The following CELF2 variants were observed in gnomAD, a reference collection of about 807,000 sequenced individuals.
CELF2 encodes the protein CUGBP Elav-like family member 2.
Under a neutral mutation model 62.6 loss-of-function variants are expected in CELF2, and 8 were observed. The observed-to-expected ratio is 0.13, with a 90% confidence interval of 0.07 to 0.23. The LOEUF (loss-of-function observed/expected upper bound fraction) is 0.23, where lower values mean the gene tolerates loss of function less well. Ranked by LOEUF, CELF2 falls within the 10% of genes least tolerant of loss-of-function variation. The pLI is 1.00. For missense variants in CELF2, 333 were observed against 671.0 expected, an observed-to-expected ratio of 0.50 and a Z score of 5.56; for synonymous variants, 258 against 250.0, an observed-to-expected ratio of 1.03 and a Z score of -0.30.
chr10:10,688,878 C>T, the CELF2 span, among the ~76,000 whole-genome samples: 1 of 151,876 alleles, frequency 6.6e-6, no homozygotes, highest in East Asian at 1.9e-4. Flanking sequence ...GTGGTGGATG[C>T]CTGTAGTCCC....
chr10:11,013,366 G>A (rs1564372328), upstream of CELF2, among the ~76,000 whole-genome samples: 1 of 152,222 alleles, frequency 6.6e-6, no homozygotes, highest in Non-Finnish European at 1.5e-5. This position sits in a 1 kb window ranked among gnomAD's most constrained non-coding sequence, Gnocchi z 4.1. Flanking sequence ...TGATGAGATG[G>A]TTGGGCTCTG....
At chr10:11,095,606 T>C (rs1164612039) in intron 1 of CELF2, among the ~76,000 whole-genome samples, 10 of 152,204 alleles carry the variant, frequency 6.6e-5, no homozygotes, top group Non-Finnish European at 1.5e-4. Context: ...AACAATGAGT[T>C]GTCACTGGGA....
Position 11,008,996 on chromosome 10 carries a change from G to A in CELF2, c.53+3556G>A, listed in dbSNP as rs941720176. On this transcript the variant is annotated intron_variant, in intron 1 of 12. Coordinates refer to the CELF2 transcript ENST00000416382. The surrounding 1 kb of genome is among the most constrained non-coding windows in gnomAD (Gnocchi z 4.5). ...TCTTTGCATATTTTGATAATTCCTG[G>A]GGAATTTGCGGGGGGGGGGGGGGAG... Among the ~76,000 whole-genome samples, 2 of 50,256 alleles carry A rather than the reference G, an allele frequency of 4.0e-5. No individual in the cohort carries two copies. The highest frequency in any genetic ancestry group is 2.2e-4 in the African/African-American group (2 of 9,108). 33.0% of individuals were successfully genotyped at this position (50,256 alleles called of 152,430 possible). A position where few individuals can be genotyped will look rare whatever the true frequency, so the allele number is the denominator to read the frequency against.
chr10:10,883,934 C>T (rs1175403446), intron 1 of CELF2, among the ~76,000 whole-genome samples: 2 of 151,532 alleles, frequency 1.3e-5, no homozygotes, highest in East Asian at 1.9e-4. Flanking sequence ...CCTTCTCCTC[C>T]TCCTCATCCT....
upstream of CELF2, among the ~76,000 whole-genome samples, chr10:11,013,973 G>C (rs779059872): frequency 6.6e-6 from 1 of 152,196 alleles, no homozygotes; most frequent in East Asian, 1.9e-4. The surrounding 1 kb of genome is among the most constrained non-coding windows in gnomAD (Gnocchi z 4.1). Context: ...CACAAAGTCA[G>C]ATATTCTCTC....
the CELF2 span, among the ~76,000 whole-genome samples, chr10:10,617,712 G>T: frequency 7.2e-5 from 11 of 152,124 alleles, no homozygotes; most frequent in South Asian, 2.1e-4. Flanking sequence ...TTTGTAAAGG[G>T]GGGGGAAATA....
chr10:10,527,075 G>C, the CELF2 span, among the ~76,000 whole-genome samples: 23 of 152,236 alleles, frequency 1.5e-4, no homozygotes, highest in Non-Finnish European at 3.2e-4. Context: ...ATATTCGGTT[G>C]ATCTTCTTTC....
chr10:10,921,202 G>A (rs187815747), intron 2 of CELF2, among the ~76,000 whole-genome samples: 15 of 152,142 alleles, frequency 9.9e-5, no homozygotes, highest in Admixed American at 2.6e-4. Context: ...TGATCCACCC[G>A]TCTCGGCCTC....
At chr10:10,538,695 G>T in the CELF2 span, among the ~76,000 whole-genome samples, 1 of 152,144 alleles carries the variant, frequency 6.6e-6, no homozygotes, top group African/African-American at 2.4e-5. Context: ...ATTGAGACTG[G>T]AATAACGTTG....
the CELF2 span, among the ~76,000 whole-genome samples, chr10:10,643,157 A>AC: frequency 6.6e-6 from 1 of 152,208 alleles, no homozygotes; most frequent in South Asian, 2.1e-4. Flanking sequence ...GCTGGAGTGA[A>AC]CCCTTGGCAG....
At chr10:10,525,117 G>C in the CELF2 span, among the ~76,000 whole-genome samples, 1 of 152,002 alleles carries the variant, frequency 6.6e-6, no homozygotes, top group South Asian at 2.1e-4. Flanking sequence ...CCTCACAACG[G>C]GATCAGTTTT....
chr10:11,152,413 T>TAA (rs549462786), intron 1 of CELF2, among the ~76,000 whole-genome samples: 4 of 143,574 alleles, frequency 2.8e-5, no homozygotes, highest in East Asian at 2.0e-4. Flanking sequence ...AGTTGTTAAA[T>TAA]AAAAAAAAAA....
intron 2 of CELF2, among the ~76,000 whole-genome samples, chr10:10,971,710 C>T (rs1397618735): frequency 6.6e-6 from 1 of 152,170 alleles, no homozygotes; most frequent in African/African-American, 2.4e-5. Context: ...CCTCAGCCTC[C>T]CAAGTAGCTG....
At chr10:10,487,496 A>C in the CELF2 span, among the ~76,000 whole-genome samples, 1 of 152,168 alleles carries the variant, frequency 6.6e-6, no homozygotes, top group African/African-American at 2.4e-5. Flanking sequence ...GTTTTTCTGC[A>C]TTATTAACTG....
At chr10:10,756,054 G>A in the CELF2 span, among the ~76,000 whole-genome samples, 1 of 151,998 alleles carries the variant, frequency 6.6e-6, no homozygotes, top group African/African-American at 2.4e-5. Flanking sequence ...TAGTATTAGG[G>A]GAAAATGTAA....
At chr10:11,209,916 C>T (rs1365172755) in intron 2 of CELF2, among the ~76,000 whole-genome samples, 1 of 152,170 alleles carries the variant, frequency 6.6e-6, no homozygotes, top group East Asian at 1.9e-4. Context: ...ACTGACTTGA[C>T]AAGAAGCCAA....
intron 4 of CELF2, among the ~76,000 whole-genome samples, chr10:11,250,601 G>C (rs1326915202): frequency 6.6e-6 from 1 of 152,226 alleles, no homozygotes; most frequent in Non-Finnish European, 1.5e-5. Flanking sequence ...TGGGGCTGCA[G>C]CACTGAATAG....
the CELF2 span, among the ~76,000 whole-genome samples, chr10:10,761,640 C>T: frequency 6.6e-6 from 1 of 152,214 alleles, no homozygotes; most frequent in Admixed American, 6.5e-5. Flanking sequence ...CAACCTCCCA[C>T]ATCGCAAGAG....
chr10:11,096,681 A>G (rs888488133), intron 1 of CELF2, among the ~76,000 whole-genome samples: 4 of 152,166 alleles, frequency 2.6e-5, no homozygotes, highest in African/African-American at 9.7e-5. Flanking sequence ...CGAAATGACA[A>G]AACCAAACCA....
Sources: gnomAD v4.1 joint callset for allele counts (sites outside exome capture counted in the v4.1 genomes callset) on GRCh38, gnomAD v4.1.1 for gene constraint, Gnocchi (gnomAD v3.1) non-coding constraint, MANE v1.5 for transcripts, NCBI Gene and HGNC (gene_info 2026-07-23, HGNC 2026-07-21) for gene names.